DIAPH2: variants seen among roughly 807,000 people sequenced by gnomAD.
The protein encoded by DIAPH2 is diaphanous related formin 2, also known as protein diaphanous homolog 2.
Under a neutral mutation model 92.7 loss-of-function variants are expected in DIAPH2, and 35 were observed. That is an observed-to-expected ratio of 0.38 (90% CI 0.29 to 0.50). The LOEUF (loss-of-function observed/expected upper bound fraction) is 0.50. Ranked by LOEUF, DIAPH2 falls within the 20% of genes least tolerant of loss-of-function variation. The pLI, the probability that DIAPH2 is intolerant of heterozygous loss-of-function variation, is 0.94. For synonymous variants in DIAPH2, 301 were observed against 280.4 expected, an observed-to-expected ratio of 1.07 and a Z score of -0.73; for missense variants, 701 against 819.5, an observed-to-expected ratio of 0.86 and a Z score of 1.77.
At chrX:96,885,071 G>C (rs1425149634) in intron 5 of DIAPH2, 1 of 1,205,988 alleles carries the variant, frequency 8.3e-7, no homozygotes, top group Admixed American at 2.2e-5. Context: ...ACTGTGGATC[G>C]GGAGCATTTT....
intron 22 of DIAPH2, among the ~76,000 whole-genome samples, chrX:97,174,236 G>A (rs2147456082): frequency 9.1e-6 from 1 of 109,904 alleles, no homozygotes; most frequent in South Asian, 3.8e-4. Flanking sequence ...CTGGAACTTG[G>A]GGAAATTATG....
intron 7 of DIAPH2, among the ~76,000 whole-genome samples, chrX:96,915,135 T>C (rs1194352116): frequency 5.4e-5 from 6 of 111,295 alleles, no homozygotes; most frequent in African/African-American, 1.9e-4. Context: ...TTTCCAGATA[T>C]ATTTTTCATG....
Position 96,755,594 on chromosome X carries a change from A to G in DIAPH2, c.343-2560A>G, listed in dbSNP as rs751603886. ...CTTGAACTTGGGAGGTGGAGCTTGC[A>G]GTGAGCCGAGATCGCGCCACTGCAC... On this transcript the variant is annotated intron_variant, in intron 3 of 26. Transcript: ENST00000324765. Among the ~76,000 whole-genome samples the G allele has an allele frequency of 2.7e-5, 3 of 110,928 alleles. No homozygotes were observed. The South Asian group carries it at 1.2e-3, about 43-fold the overall frequency.
Position 97,466,721 on chromosome X carries a change from A to C in DIAPH2, c.3241+36976A>C, listed in dbSNP as rs181807270. Among the ~76,000 whole-genome samples, 4 of 112,230 alleles carry C rather than the reference A, an allele frequency of 3.6e-5. No individual in the cohort carries two copies. In the East Asian group the frequency reaches 1.1e-3, roughly 31 times the overall value. On this transcript the variant is annotated intron_variant, in intron 26 of 26. Coordinates refer to ENST00000324765, the MANE Select transcript of DIAPH2 (RefSeq NM_006729.5). ...TGCTGTTGTTTTACCATAGTTATGCAAAAGTAATGCTGCAAGTACAGACCA... is the reference window on the plus strand; with the variant it reads ...TGCTGTTGTTTTACCATAGTTATGCCAAAGTAATGCTGCAAGTACAGACCA...
At chrX:97,260,929 G>A (rs926511013) in intron 23 of DIAPH2, among the ~76,000 whole-genome samples, 1 of 111,710 alleles carries the variant, frequency 9.0e-6, no homozygotes, top group Non-Finnish European at 1.9e-5. Context: ...TATTTAAACA[G>A]CTTAATCGAG....
intron 17 of DIAPH2, among the ~76,000 whole-genome samples, chrX:96,968,726 CTTTAG>C (rs746999798): frequency 8.9e-6 from 1 of 111,943 alleles, no homozygotes; most frequent in East Asian, 2.8e-4. Flanking sequence ...TGCAGAAGCT[CTTTAG>C]TTTAATTAAG....
Position 97,416,406 on chromosome X carries a change from G to A in DIAPH2, c.3146-13244G>A, listed in dbSNP as rs768417532. ...CAGCCTACTTTGGCTGCTCTACTTT[G>A]TAAAAGATAGCCTGTAATATACACC... On this transcript the variant is annotated intron_variant, in intron 25 of 26. Transcript: ENST00000324765. Among the ~76,000 whole-genome samples the A allele has an allele frequency of 7.1e-5, 8 of 112,248 alleles. No individual in the cohort carries two copies. In the South Asian group the frequency reaches 3.0e-3, roughly 42 times the overall value.
intron 17 of DIAPH2, among the ~76,000 whole-genome samples, chrX:96,971,336 G>C (rs908435118): frequency 8.9e-6 from 1 of 111,806 alleles, no homozygotes; most frequent in Non-Finnish European, 1.9e-5. Context: ...ATGTTTACCT[G>C]GTAGTATTGT....
intron 19 of DIAPH2, among the ~76,000 whole-genome samples, chrX:97,094,197 GC>G (rs2066848654): frequency 9.0e-6 from 1 of 111,587 alleles, no homozygotes; most frequent in Non-Finnish European, 1.9e-5. Flanking sequence ...GCTTGAGGAT[GC>G]CTAAGAGTAG....
At chrX:97,307,794 G>C (rs1005301079) in intron 23 of DIAPH2, among the ~76,000 whole-genome samples, 2 of 108,257 alleles carry the variant, frequency 1.8e-5, no homozygotes, top group Non-Finnish European at 3.8e-5. Context: ...TGTAATCTCA[G>C]CTACTCGGGA....
intron 17 of DIAPH2, among the ~76,000 whole-genome samples, chrX:97,040,801 T>C (rs1309056250): frequency 1.8e-5 from 2 of 110,691 alleles, no homozygotes; most frequent in Non-Finnish European, 3.8e-5. Flanking sequence ...TGCTATTCAT[T>C]TTTTAAATAG....
At chrX:96,980,998 C>CAAAAAA (rs1204120424) in intron 17 of DIAPH2, among the ~76,000 whole-genome samples, 538 of 45,502 alleles carry the variant, frequency 0.012, 11 homozygotes, top group African/African-American at 0.048. Flanking sequence ...CCATCTCTAC[C>CAAAAAA]AAAAAAAAAA....
chrX:97,107,114 C>CCACATATTT (rs2147370748), intron 20 of DIAPH2, among the ~76,000 whole-genome samples: 1 of 112,084 alleles, frequency 8.9e-6, no homozygotes, highest in African/African-American at 3.2e-5. Context: ...TGGGTAGTTT[C>CCACATATTT]CACATATTTT....
chrX:97,145,578 C>T (rs1254407241), intron 22 of DIAPH2, among the ~76,000 whole-genome samples: 2 of 109,052 alleles, frequency 1.8e-5, no homozygotes, highest in East Asian at 2.8e-4. Context: ...ATTTCAAGAG[C>T]GAAATCTCTC....
rs760073834 is a variant in DIAPH2 at position 97,090,298 on chromosome X, C to CTTTTTTTTTTT, written c.2248-9370_2248-9360dup. On this transcript the variant is annotated intron_variant, in intron 19 of 26. Transcript: ENST00000324765. The stretch of plus-strand genomic sequence containing the variant: ...GTGATCCTCTGATTGTCTCTGATCC[C>CTTTTTTTTTTT]TTTTTTTTTTTTTTTTTTTTTTTTT... Among the ~76,000 whole-genome samples the CTTTTTTTTTTT allele has an allele frequency of 1.5e-4, 6 of 38,861 alleles. 2 individuals carry two copies. Among genetic ancestry groups the CTTTTTTTTTTT allele is most frequent in the East Asian group, 8.9e-4 (1 of 1,125 alleles). The allele number at this position is 38,861 out of a possible 115,157, so 33.7% of individuals were successfully genotyped here.
At chrX:97,153,385 C>T (rs1166110786) in intron 22 of DIAPH2, among the ~76,000 whole-genome samples, 2 of 110,479 alleles carry the variant, frequency 1.8e-5, no homozygotes, top group African/African-American at 3.3e-5. Context: ...GAGTTCAAGA[C>T]GAGCCTGGCC....
Position 97,314,054 on chromosome X carries a change from G to T in DIAPH2, c.2845-34062G>T, listed in dbSNP as rs1214424767. Among the ~76,000 whole-genome samples the T allele has an allele frequency of 2.7e-5, 3 of 110,372 alleles. No homozygotes were observed. The Admixed American group carries it at 2.9e-4, about 11-fold the overall frequency. The stretch of plus-strand genomic sequence containing the variant: ...TTTGAATGGCCTAGTCAGGAATATT[G>T]TATATATCCATAAACGTGAAAGTAA... On this transcript the variant is annotated intron_variant, in intron 23 of 26. Transcript: ENST00000324765.
intron 15 of DIAPH2, among the ~76,000 whole-genome samples, chrX:96,955,158 C>T (rs1314170075): frequency 9.0e-6 from 1 of 111,543 alleles, no homozygotes; most frequent in Admixed American, 9.5e-5. Context: ...TTTTGCAGAG[C>T]TGGCGAGGCC....
intron 23 of DIAPH2, among the ~76,000 whole-genome samples, chrX:97,301,352 T>G (rs762701806): frequency 8.1e-5 from 9 of 110,853 alleles, no homozygotes; most frequent in African/African-American, 2.3e-4. Flanking sequence ...GTACAAATGT[T>G]TTTTATCTAT....
Sources: gnomAD v4.1 joint callset for allele counts (sites outside exome capture counted in the v4.1 genomes callset) on GRCh38, gnomAD v4.1.1 for gene constraint, MANE v1.5 for transcripts, NCBI Gene and HGNC (gene_info 2026-07-23, HGNC 2026-07-21) for gene names.